ALKBH5: variants seen among roughly 807,000 people sequenced by gnomAD.
ALKBH5 encodes alkB homolog 5, RNA demethylase, also known as RNA demethylase ALKBH5.
A neutral mutation model predicts 32.1 loss-of-function variants in ALKBH5; 2 were observed. The observed-to-expected ratio is 0.06, with a 90% CI of 0.03 to 0.20. The LOEUF (loss-of-function observed/expected upper bound fraction) is 0.20. Ranked by LOEUF, ALKBH5 falls within the 10% of genes least tolerant of loss-of-function variation. ALKBH5 has a pLI of 1.00. For missense variants in ALKBH5, 352 were observed against 559.5 expected (o/e 0.63, Z 3.74); for synonymous variants, 300 against 231.7 (o/e 1.29, Z -2.68).
chr17:18,191,248 G>T (rs1247638765), intron 1 of ALKBH5, among the ~76,000 whole-genome samples: 3 of 152,194 alleles, frequency 2.0e-5, no homozygotes, highest in Non-Finnish European at 4.4e-5. Context: ...TTGAGCTCAT[G>T]TTGCCAGAGC....
chr17:18,201,785 A>AGATAGATAGATAGATAGATG (rs1486085379), intron 2 of ALKBH5, among the ~76,000 whole-genome samples: 1 of 107,682 alleles, frequency 9.3e-6, no homozygotes, highest in African/African-American at 3.4e-5. Context: ...ATAGATAGAT[A>AGATAGATAGATAGATAGATG]GGATAGATAA....
chr17:18,208,293 G>C lies in ALKBH5; in HGVS notation c.1082G>C (p.Ser361Thr). 1 of 1,614,130 alleles carries C rather than the reference G, an allele frequency of 6.2e-7. No individual in the cohort carries two copies. The highest frequency in any genetic ancestry group is 8.5e-7 in the Non-Finnish European group (1 of 1,180,020). The change falls in exon 4 of 4, where the codon AGC becomes ACC. Residue 361 changes from serine to threonine, a missense_variant. This residue lies in a region of ALKBH5 where 124 missense variants were observed against 142.4 expected (regional missense o/e 0.87). Coordinates refer to ENST00000399138, the MANE Select transcript of ALKBH5 (RefSeq NM_017758.4). Reference protein sequence around the residue: ...VLLPTHRRRGSFSSENYWRKS... With the variant: ...VLLPTHRRRGTFSSENYWRKS... ...CTGCCCACACACCGGCGGAGGGGTA[G>C]CTTCAGCTCTGAGAACTACTGGCGC...
intron 1 of ALKBH5, among the ~76,000 whole-genome samples, chr17:18,186,477 C>G (rs902694732): frequency 6.6e-6 from 1 of 152,180 alleles, no homozygotes; most frequent in Admixed American, 6.5e-5. Flanking sequence ...TATTAATTTT[C>G]TGCGTAGTCA....
At chr17:18,189,927 C>A (rs1169484113) in intron 1 of ALKBH5, among the ~76,000 whole-genome samples, 1 of 152,192 alleles carries the variant, frequency 6.6e-6, no homozygotes, top group East Asian at 1.9e-4. Flanking sequence ...TAAAGTTAGG[C>A]CATGGGTCGT....
Position 18,208,681 on chromosome 17 carries a change from C to T in ALKBH5, c.*285C>T, listed in dbSNP as rs550410116. The T allele has an allele frequency of 2.6e-5, 14 of 535,336 alleles. No individual in the cohort carries two copies. The Admixed American group carries it at 3.2e-4, about 12-fold the overall frequency. The allele number at this position is 535,336 out of a possible 1,614,324, so 33.2% of individuals were successfully genotyped here. ...GGAGTGGCCAGTAGAGGTGGTGGAGCAGAGCAGCCATCTTTTAAGTGGGGC... is the reference window on the plus strand; with the variant it reads ...GGAGTGGCCAGTAGAGGTGGTGGAGTAGAGCAGCCATCTTTTAAGTGGGGC... On this transcript the variant is annotated 3_prime_UTR_variant, in exon 4 of 4. Coordinates refer to ENST00000399138, the MANE Select transcript of ALKBH5 (RefSeq NM_017758.4).
chr17:18,195,089 G>A, intron 2 of ALKBH5, 54 bp downstream of exon 2: 1 of 1,498,284 alleles, frequency 6.7e-7, no homozygotes, highest in Admixed American at 1.8e-5. Context: ...GTCTGGAGAT[G>A]TAGCTCTGGG....
Position 18,184,570 on chromosome 17 carries a change from G to A in ALKBH5, c.327G>A (p.Glu109=), listed in dbSNP as rs781257424. 7 of 1,613,376 alleles carry A rather than the reference G, an allele frequency of 4.3e-6. No individual in the cohort carries two copies. Among genetic ancestry groups the A allele is most frequent in the Non-Finnish European group, 5.9e-6 (7 of 1,180,028 alleles). Reference sequence around the variant, plus strand: ...CCAAGATCGAGGCCCGCATTGACGAGGTGGTGTCCCGCGCTGAGAAGGGCC... The same window carrying A: ...CCAAGATCGAGGCCCGCATTGACGAAGTGGTGTCCCGCGCTGAGAAGGGCC... ...ECAKIEARID[E]VVSRAEKGLY... The change falls in exon 1 of 4, where the codon GAG becomes GAA. Residue 109 remains glutamate, a synonymous_variant. Coordinates refer to ENST00000399138, the MANE Select transcript of ALKBH5 (RefSeq NM_017758.4).
In ALKBH5 at chr17:18,208,640, G is replaced by A. The variant is rs1269494692; in HGVS notation, c.*244G>A. The A allele has an allele frequency of 3.3e-6, 2 of 614,480 alleles. No individual in the cohort carries two copies. Among genetic ancestry groups the A allele is most frequent in the South Asian group, 3.3e-5 (2 of 60,428 alleles). 38.1% of individuals were successfully genotyped at this position (614,480 alleles called of 1,614,324 possible). On this transcript the variant is annotated 3_prime_UTR_variant, in exon 4 of 4. Transcript: ENST00000399138. The stretch of plus-strand genomic sequence containing the variant: ...GGAAAGGCTGTTGGCATCAATAGGG[G>A]ACAGAGGCTGATGCTGGAGTGGCCA...
chr17:18,189,159 C>T (rs1046121477), intron 1 of ALKBH5, among the ~76,000 whole-genome samples: 72 of 152,042 alleles, frequency 4.7e-4, no homozygotes, highest in South Asian at 1.9e-3. Context: ...GGGTGGATCA[C>T]GAGGTCAGGA....
In ALKBH5 at chr17:18,184,224, A is replaced by G; in HGVS notation, c.-20A>G. The G allele has an allele frequency of 6.7e-7, 1 of 1,497,978 alleles. No individual in the cohort carries two copies. Among genetic ancestry groups the G allele is most frequent in the East Asian group, 2.6e-5 (1 of 37,876 alleles). 92.8% of individuals were successfully genotyped at this position (1,497,978 alleles called of 1,614,324 possible). ...TGCCCCGCCCGCCCCGGAGGACCCT[A>G]GAGCAGCGTCGTGGGGGCCATGGCG... is the stretch of plus-strand genomic sequence containing the variant. On this transcript the variant is annotated 5_prime_UTR_variant, in exon 1 of 4. The change abolishes the stop of an existing upstream ORF in the 5' untranslated region. Transcript: ENST00000399138.
At chr17:18,199,316 C>T (rs2047222708) in intron 2 of ALKBH5, among the ~76,000 whole-genome samples, 1 of 152,206 alleles carries the variant, frequency 6.6e-6, no homozygotes, top group Non-Finnish European at 1.5e-5. Context: ...GAGGCTGGAC[C>T]TAACCTTACT....
In ALKBH5 at chr17:18,183,883, C is replaced by T. The variant is rs2047116029; in HGVS notation, c.-361C>T. ...ACGTCGGGCTGGCTGCCCGTGACGTCGTGCGGAGAGCTTTAAAGTGCGGGC... is the reference window on the plus strand; with the variant it reads ...ACGTCGGGCTGGCTGCCCGTGACGTTGTGCGGAGAGCTTTAAAGTGCGGGC... On this transcript the variant is annotated 5_prime_UTR_variant, in exon 1 of 4. Transcript: ENST00000399138. The T allele has an allele frequency of 2.5e-6, 1 of 407,830 alleles. No individual in the cohort carries two copies. Among genetic ancestry groups the T allele is most frequent in the Non-Finnish European group, 4.6e-6 (1 of 215,328 alleles). The allele number at this position is 407,830 out of a possible 1,614,324, so 25.3% of individuals were successfully genotyped here. A position where few individuals can be genotyped will look rare whatever the true frequency, so the allele number is the denominator to read the frequency against.
At chr17:18,201,798 T>TA (rs1555551024) in intron 2 of ALKBH5, among the ~76,000 whole-genome samples, 7,029 of 52,082 alleles carry the variant, frequency 0.13, 214 homozygotes, top group South Asian at 0.21. Flanking sequence ...ATAGATAAGA[T>TA]AGATAGATAG....
In ALKBH5 at chr17:18,209,080, C is replaced by T; in HGVS notation, c.*684C>T. Reference sequence around the variant, plus strand: ...GCCATGTCCACAGTTCCTTGGGCTGCTGAGGGGCTAGTGCAGTGGTCCTGA... The same window carrying T: ...GCCATGTCCACAGTTCCTTGGGCTGTTGAGGGGCTAGTGCAGTGGTCCTGA... On this transcript the variant is annotated 3_prime_UTR_variant, in exon 4 of 4. Transcript: ENST00000399138. 6.3e-6 allele frequency: 1 copy of T among 159,138 alleles called. No homozygotes were observed. The highest frequency in any genetic ancestry group is 1.8e-4 in the South Asian group (1 of 5,626). 9.9% of individuals were successfully genotyped at this position (159,138 alleles called of 1,614,324 possible). A position where few individuals can be genotyped will look rare whatever the true frequency, so the allele number is the denominator to read the frequency against.
chr17:18,192,369 C>T (rs2047181260), intron 1 of ALKBH5, among the ~76,000 whole-genome samples: 1 of 152,210 alleles, frequency 6.6e-6, no homozygotes, highest in Non-Finnish European at 1.5e-5. Context: ...GTTTTTCTGC[C>T]TGGAAGGGAG....
At chr17:18,185,071 G>A (rs1256176822) in intron 1 of ALKBH5, 58 bp downstream of exon 1, 2 of 1,563,552 alleles carry the variant, frequency 1.3e-6, no homozygotes. Context: ...TACCCACCCT[G>A]GCCCAGAAAG....
intron 1 of ALKBH5, among the ~76,000 whole-genome samples, chr17:18,190,057 A>G (rs988634321): frequency 2.0e-5 from 3 of 152,206 alleles, no homozygotes; most frequent in African/African-American, 7.2e-5. Flanking sequence ...GTCTGTCAGT[A>G]AGGCAGGTAG....
At chr17:18,200,887 G>T (rs189195925) in intron 2 of ALKBH5, among the ~76,000 whole-genome samples, 1 of 152,240 alleles carries the variant, frequency 6.6e-6, no homozygotes, top group Non-Finnish European at 1.5e-5. Context: ...AAAGCTTCAC[G>T]CTGTGCAGAG....
intron 2 of ALKBH5, among the ~76,000 whole-genome samples, chr17:18,201,794 A>AAGATAGATAGATAGAT (rs57735712): frequency 2.6e-4 from 35 of 134,514 alleles, no homozygotes; most frequent in South Asian, 5.0e-4. Context: ...TAGGATAGAT[A>AAGATAGATAGATAGAT]AGATAGATAG....
Sources: gnomAD v4.1 joint callset for allele counts (sites outside exome capture counted in the v4.1 genomes callset) on GRCh38, gnomAD v4.1.1 for gene constraint, gnomAD v4.1.1 regional missense constraint, MANE v1.5 for transcripts, NCBI Gene and HGNC (gene_info 2026-07-23, HGNC 2026-07-21) for gene names.